Variants in BNC2 observed in about 807,000 individuals in gnomAD.
The protein encoded by BNC2 is basonuclin zinc finger protein 2, also known as zinc finger protein basonuclin-2.
A neutral mutation model predicts 76.3 loss-of-function variants in BNC2; 20 were observed. That is an observed-to-expected ratio of 0.26 (90% CI 0.18 to 0.38). The LOEUF is 0.38. Ranked by LOEUF, BNC2 falls within the 10% of genes least tolerant of loss-of-function variation. The pLI, the probability that BNC2 is intolerant of heterozygous loss-of-function variation, is 1.00. For missense variants in BNC2, 1,382 were observed against 1,399.8 expected, an observed-to-expected ratio of 0.99 and a Z score of 0.20; for synonymous variants, 582 against 514.8, an observed-to-expected ratio of 1.13 and a Z score of -1.77.
chr9:16,666,936 T>C (rs1364631865), intron 3 of BNC2, among the ~76,000 whole-genome samples: 1 of 150,110 alleles, frequency 6.7e-6, no homozygotes, highest in African/African-American at 2.5e-5. Flanking sequence ...AATTCACAGA[T>C]AAATTCAAAT....
intron 1 of BNC2, among the ~76,000 whole-genome samples, chr9:16,842,637 T>C (rs535456131): frequency 6.6e-6 from 1 of 152,352 alleles, no homozygotes; most frequent in African/African-American, 2.4e-5. Flanking sequence ...ATCTCCATTT[T>C]AAAAACTGAA....
chr9:16,629,844 T>A lies in BNC2; in HGVS notation c.331-46759A>T, dbSNP rs1298205412. The stretch of plus-strand genomic sequence containing the variant: ...GTGTAATCTTTTTGCTGGCAGAGGG[T>A]CTTGCCTAGATGTTGATGGCTGCTG... On this transcript the variant is annotated intron_variant, in intron 3 of 6. Transcript: ENST00000380672. 7.9e-5 allele frequency among the ~76,000 whole-genome samples: 12 copies of A among 152,158 alleles called. 1 individual carries two copies.
chr9:16,639,786 G>A (rs1587263896), intron 3 of BNC2, among the ~76,000 whole-genome samples: 2 of 152,156 alleles, frequency 1.3e-5, no homozygotes, highest in East Asian at 1.9e-4. Context: ...GCCAGGTGTG[G>A]TGATGCATGC....
intron 3 of BNC2, among the ~76,000 whole-genome samples, chr9:16,673,743 T>G (rs1822555216): frequency 6.6e-6 from 1 of 152,216 alleles, no homozygotes; most frequent in African/African-American, 2.4e-5. Context: ...TCTAATTAAT[T>G]TCTGCATCCA....
intron 5 of BNC2, among the ~76,000 whole-genome samples, chr9:16,510,452 C>T (rs962164858): frequency 6.6e-6 from 1 of 152,168 alleles, no homozygotes; most frequent in Admixed American, 6.5e-5. Flanking sequence ...GGTATCTGAC[C>T]TCCTTTCACG....
chr9:16,767,551 C>T (rs1277002844), intron 1 of BNC2, among the ~76,000 whole-genome samples: 1 of 151,524 alleles, frequency 6.6e-6, no homozygotes, highest in East Asian at 1.9e-4. Context: ...AGCCTGTATA[C>T]AGAGTTGAGG....
chr9:16,685,465 G>A (rs1822947088), intron 3 of BNC2: 4 of 825,008 alleles, frequency 4.8e-6, no homozygotes, highest in African/African-American at 1.8e-5. Flanking sequence ...TCCTGATGAC[G>A]CTGATATACC....
chr9:16,616,837 A>AAGGAAGTAAGTT (rs1431416345), intron 3 of BNC2, among the ~76,000 whole-genome samples: 1 of 149,932 alleles, frequency 6.7e-6, no homozygotes, highest in Admixed American at 6.7e-5. Context: ...GGAAGGAAGG[A>AAGGAAGTAAGTT]AGTTCTACTG....
intron 5 of BNC2, among the ~76,000 whole-genome samples, chr9:16,463,887 G>C (rs1821644688): frequency 6.6e-6 from 1 of 151,898 alleles, no homozygotes; most frequent in South Asian, 2.1e-4. Context: ...CTTGAGGTTA[G>C]GTGTTTGAGA....
At chr9:16,483,444 C>T (rs374411846) in intron 5 of BNC2, among the ~76,000 whole-genome samples, 1 of 152,176 alleles carries the variant, frequency 6.6e-6, no homozygotes, top group Non-Finnish European at 1.5e-5. Flanking sequence ...AGTCCTTAAG[C>T]AGATGCTAAA....
At chr9:16,455,823 A>G (rs1041262976) in intron 5 of BNC2, among the ~76,000 whole-genome samples, 5 of 152,048 alleles carry the variant, frequency 3.3e-5, no homozygotes, top group Non-Finnish European at 7.4e-5. Context: ...AAGGAACTTC[A>G]GGCAGTCTAA....
intron 1 of BNC2, 33 bp downstream of exon 1, chr9:16,870,613 A>G: frequency 6.2e-7 from 1 of 1,609,256 alleles, no homozygotes; most frequent in Admixed American, 1.7e-5. Flanking sequence ...GGAAGTCTAG[A>G]ATAAAAGAGG....
chr9:16,854,272 G>A (rs1484325647), intron 1 of BNC2, among the ~76,000 whole-genome samples: 2 of 152,148 alleles, frequency 1.3e-5, no homozygotes, highest in Non-Finnish European at 1.5e-5. Context: ...TAACTTTCTG[G>A]TCCATAAAAT....
At chr9:16,640,382 G>A (rs1821458129) in intron 3 of BNC2, among the ~76,000 whole-genome samples, 1 of 152,156 alleles carries the variant, frequency 6.6e-6, no homozygotes, top group Non-Finnish European at 1.5e-5. Context: ...TGAGAGTTCA[G>A]CTAATTTTGA....
intron 1 of BNC2, among the ~76,000 whole-genome samples, chr9:16,827,245 G>A (rs150232698): frequency 2.6e-4 from 39 of 152,312 alleles, no homozygotes; most frequent in Admixed American, 1.2e-3. Flanking sequence ...AGGCACCACA[G>A]TTAATAATGT....
chr9:16,485,492 A>G (rs1822145081), intron 5 of BNC2, among the ~76,000 whole-genome samples: 1 of 152,186 alleles, frequency 6.6e-6, no homozygotes, highest in Non-Finnish European at 1.5e-5. Flanking sequence ...GCTTAATTTA[A>G]TAAGAGACCC....
intron 3 of BNC2, among the ~76,000 whole-genome samples, chr9:16,611,402 A>C (rs1050136691): frequency 7.2e-5 from 11 of 152,122 alleles, no homozygotes; most frequent in African/African-American, 2.7e-4. Flanking sequence ...CTGTGGCACA[A>C]ATGCCATTTT....
chr9:16,599,380 G>C (rs1337905410), intron 3 of BNC2, among the ~76,000 whole-genome samples: 1 of 152,200 alleles, frequency 6.6e-6, no homozygotes, highest in East Asian at 1.9e-4. Flanking sequence ...GGCAGAGATG[G>C]CTGTGAACGG....
intron 1 of BNC2, chr9:16,867,479 T>A (rs1250336224): frequency 6.6e-6 from 1 of 152,124 alleles, no homozygotes; most frequent in African/African-American, 2.4e-5. Flanking sequence ...GCAAATCATC[T>A]CAAACAAGTG....
Sources: allele counts gnomAD v4.1 joint callset (sites outside exome capture counted in the v4.1 genomes callset), GRCh38; gene constraint gnomAD v4.1.1; transcripts MANE v1.5; gene names NCBI Gene and HGNC (gene_info 2026-07-23, HGNC 2026-07-21).